The following AKR1C4 variants were observed in gnomAD, a reference collection of about 807,000 sequenced individuals.
The protein encoded by AKR1C4 is aldo-keto reductase family 1 member C4, also known as 3-alpha-HSD1.
AKR1C4 carries 44 observed loss-of-function variants against 41.0 expected under a neutral mutation model. The observed-to-expected ratio is 1.07, with a 90% CI of 0.84 to 1.38. The LOEUF is 1.38. Among genes scored for constraint, AKR1C4 ranks in the 40% most tolerant of loss-of-function variants. The pLI, the probability that AKR1C4 is intolerant of heterozygous loss-of-function variation, is 0.00. For missense variants in AKR1C4, 438 were observed against 387.9 expected, an observed-to-expected ratio of 1.13 and a Z score of -1.09; for synonymous variants, 165 against 137.7, an observed-to-expected ratio of 1.20 and a Z score of -1.39.
At chr10:5,217,093 CGTGGCCTA>C (rs1311002775) in intron 8 of AKR1C4, among the ~76,000 whole-genome samples, 7 of 152,248 alleles carry the variant, frequency 4.6e-5, no homozygotes, top group African/African-American at 1.7e-4. Flanking sequence ...GCATTTCTGC[CGTGGCCTA>C]GTGGACAGTA....
intron 1 of AKR1C4, among the ~76,000 whole-genome samples, chr10:5,199,913 C>T (rs1832370852): frequency 6.6e-6 from 1 of 152,210 alleles, no homozygotes; most frequent in African/African-American, 2.4e-5. Flanking sequence ...GATGGCAAAA[C>T]TTAAAGAACA....
chr10:5,206,680 A>G (rs868982447), intron 5 of AKR1C4, among the ~76,000 whole-genome samples: 2 of 152,168 alleles, frequency 1.3e-5, no homozygotes, highest in African/African-American at 4.8e-5. Flanking sequence ...ACTCAGGGAG[A>G]AGGTGGACTT....
At chr10:5,210,789 T>G (rs932776971) in intron 5 of AKR1C4, among the ~76,000 whole-genome samples, 1 of 152,128 alleles carries the variant, frequency 6.6e-6, no homozygotes, top group African/African-American at 2.4e-5. Flanking sequence ...TTTTTGCATC[T>G]TTAGTAGAGA....
At chr10:5,196,987 G>A in intron 1 of AKR1C4, 36 bp downstream of exon 1, 1 of 1,599,788 alleles carries the variant, frequency 6.3e-7, no homozygotes, top group Non-Finnish European at 8.6e-7. Flanking sequence ...GCATTTAAAA[G>A]AGCAAAGCTA....
intron 5 of AKR1C4, chr10:5,207,797 T>A: frequency 2.8e-6 from 1 of 354,006 alleles, no homozygotes; most frequent in Non-Finnish European, 5.5e-6. Context: ...CTGGTCTGAT[T>A]TTGACAAATG....
intron 5 of AKR1C4, chr10:5,207,455 T>C: frequency 2.8e-6 from 1 of 360,274 alleles, no homozygotes; most frequent in East Asian, 8.2e-5. Context: ...GGCATTGTGT[T>C]TGTTGTGGAC....
intron 4 of AKR1C4, 99 bp downstream of exon 4, chr10:5,205,933 C>A: frequency 8.0e-7 from 1 of 1,256,156 alleles, no homozygotes; most frequent in South Asian, 1.5e-5. Context: ...ACCATTGGAA[C>A]TAGAAATTAA....
intron 5 of AKR1C4, among the ~76,000 whole-genome samples, chr10:5,206,981 G>A (rs1331434196): frequency 6.6e-6 from 1 of 152,146 alleles, no homozygotes; most frequent in Non-Finnish European, 1.5e-5. Flanking sequence ...TTGCTTGAGA[G>A]ATAAGCTGAA....
intron 5 of AKR1C4, 61 bp from the exon 6 acceptor site, chr10:5,212,555 T>C (rs1832591549): frequency 7.1e-7 from 1 of 1,401,700 alleles, no homozygotes; most frequent in African/African-American, 1.5e-5. Context: ...CTTATTTTAA[T>C]CTTTATATTA....
chr10:5,200,073 G>A, intron 1 of AKR1C4, 108 bp from the exon 2 acceptor site: 3 of 1,428,554 alleles, frequency 2.1e-6, no homozygotes, highest in Non-Finnish European at 2.8e-6. Context: ...GCCTGAAGAA[G>A]CGAGCCACAC....
In AKR1C4 at chr10:5,196,948, A is replaced by G; in HGVS notation, c.81A>G (p.Pro27=). 6.8e-6 allele frequency: 11 copies of G among 1,613,726 alleles called. No homozygotes were observed. The highest frequency in any genetic ancestry group is 9.3e-6 in the Non-Finnish European group (11 of 1,179,624). The change falls in exon 1 of 9, where the codon CCA becomes CCG. Residue 27 remains proline (P), a synonymous_variant. Coordinates refer to ENST00000263126, the MANE Select transcript of AKR1C4 (RefSeq NM_001818.5). ...PVLGFGTYAP[P]EVPRNRAVEV... ...TGGGATTTGGCACCTATGCACCTCC[A>G]GAGGTAATAATCACATTTTCAGCAT... is the stretch of plus-strand genomic sequence containing the variant.
At chr10:5,198,798 G>A (rs1554796601) in intron 1 of AKR1C4, among the ~76,000 whole-genome samples, 3 of 152,094 alleles carry the variant, frequency 2.0e-5, no homozygotes, top group African/African-American at 4.8e-5. Context: ...CTTGAGCTCC[G>A]GAGTTTGAGC....
intron 5 of AKR1C4, among the ~76,000 whole-genome samples, chr10:5,210,073 A>C (rs1832548595): frequency 1.3e-5 from 2 of 152,330 alleles, no homozygotes; most frequent in South Asian, 2.1e-4. Flanking sequence ...ATGGCGGTAC[A>C]GGCATTGGGC....
intron 5 of AKR1C4, chr10:5,207,345 G>T (rs1230038451): frequency 3.4e-6 from 1 of 296,376 alleles, no homozygotes; most frequent in South Asian, 3.4e-5. Context: ...AAAGATTAAG[G>T]TAATTTTGGA....
At chr10:5,215,988 A>T (rs1207503531) in intron 7 of AKR1C4, among the ~76,000 whole-genome samples, 1 of 152,134 alleles carries the variant, frequency 6.6e-6, no homozygotes, top group Non-Finnish European at 1.5e-5. Flanking sequence ...CGTTGCTATA[A>T]AGTACCCGAG....
intron 5 of AKR1C4, among the ~76,000 whole-genome samples, chr10:5,206,716 G>T (rs1457524717): frequency 3.2e-5 from 4 of 123,288 alleles, no homozygotes; most frequent in African/African-American, 1.5e-4. Context: ...AAGACCACCA[G>T]AGAGTGGATT....
intron 5 of AKR1C4, among the ~76,000 whole-genome samples, chr10:5,208,899 A>G (rs1384642443): frequency 1.0e-5 from 1 of 99,106 alleles, no homozygotes; most frequent in African/African-American, 3.4e-5. Flanking sequence ...TGTATCATGA[A>G]AACAAAAACA....
chr10:5,197,391 G>A (rs1299946454), intron 1 of AKR1C4, among the ~76,000 whole-genome samples: 3 of 152,206 alleles, frequency 2.0e-5, no homozygotes, highest in African/African-American at 7.2e-5. Context: ...TGGGGTGTAT[G>A]AAAACTGTTG....
At chr10:5,218,689 T>G in intron 8 of AKR1C4, 29 bp from the exon 9 acceptor site, 1 of 1,546,608 alleles carries the variant, frequency 6.5e-7, no homozygotes, top group Non-Finnish European at 8.9e-7. Context: ...ATTTCATCCA[T>G]ATTTATGTAC....
Sources: allele counts gnomAD v4.1 joint callset (sites outside exome capture counted in the v4.1 genomes callset), GRCh38; gene constraint gnomAD v4.1.1; transcripts MANE v1.5; gene names NCBI Gene and HGNC (gene_info 2026-07-23, HGNC 2026-07-21).